KCNH1: variants seen among roughly 807,000 people sequenced by gnomAD.
KCNH1 encodes voltage-gated delayed rectifier potassium channel KCNH1.
A neutral mutation model predicts 69.2 loss-of-function variants in KCNH1; 27 were observed. The observed-to-expected ratio is 0.39, with a 90% CI of 0.29 to 0.54. KCNH1 has a LOEUF of 0.54. KCNH1 is among the 20% of genes least tolerant of loss of function. The pLI is 0.68. For missense variants in KCNH1, 798 were observed against 1,261.6 expected, an observed-to-expected ratio of 0.63 and a Z score of 5.57; for synonymous variants, 456 against 487.7, an observed-to-expected ratio of 0.93 and a Z score of 0.86.
intron 6 of KCNH1, among the ~76,000 whole-genome samples, chr1:210,995,480 T>G: frequency 6.6e-6 from 1 of 152,132 alleles, no homozygotes; most frequent in East Asian, 1.9e-4. Context: ...CTTCCTAAAC[T>G]TACAGTACAC....
chr1:211,119,325 A>C lies in KCNH1; in HGVS notation c.80-11948T>G, dbSNP rs375567002. On this transcript the variant is annotated intron_variant, in intron 1 of 10. Coordinates refer to ENST00000271751, the MANE Select transcript of KCNH1 (RefSeq NM_172362.3). ...CAGTGAGCCAAGATCGTGCCACCAC[A>C]CTCCAGCCTGGGTGACAGAGGGACA... 3.3e-5 allele frequency among the ~76,000 whole-genome samples: 5 copies of C among 152,208 alleles called. No homozygotes were observed. The East Asian group carries it at 9.7e-4, about 29-fold the overall frequency.
At chr1:210,806,061 A>T (rs967643954) in intron 7 of KCNH1, among the ~76,000 whole-genome samples, 3 of 151,978 alleles carry the variant, frequency 2.0e-5, no homozygotes, top group African/African-American at 7.2e-5. Context: ...ACATATTTTC[A>T]ATTCTTTTGT....
chr1:211,010,179 A>T (rs1501554), intron 6 of KCNH1, among the ~76,000 whole-genome samples: 105,775 of 151,840 alleles, frequency 0.7, 37,488 homozygotes, highest in African/African-American at 0.83. Flanking sequence ...CCAAGTGGAG[A>T]GGAGTTTGGC....
chr1:210,741,332 TC>T (rs1683025826), intron 10 of KCNH1, among the ~76,000 whole-genome samples: 1 of 152,154 alleles, frequency 6.6e-6, no homozygotes, highest in African/African-American at 2.4e-5. Flanking sequence ...TATAACATGC[TC>T]CATATAAATG....
intron 7 of KCNH1, among the ~76,000 whole-genome samples, chr1:210,880,102 T>C (rs1034042396): frequency 1.3e-5 from 2 of 152,050 alleles, no homozygotes; most frequent in Admixed American, 1.3e-4. Context: ...AGAAAATAAA[T>C]AGAGAGGCAG....
intron 3 of KCNH1, among the ~76,000 whole-genome samples, chr1:211,096,079 T>TTTATTTA (rs1553379264): frequency 0.016 from 2,170 of 135,834 alleles, 26 homozygotes; most frequent in Middle Eastern, 0.03. Flanking sequence ...TTATTTATTT[T>TTTATTTA]TTGAGATGGA....
At chr1:210,773,713 C>G (rs1015102682) in intron 10 of KCNH1, among the ~76,000 whole-genome samples, 3 of 152,174 alleles carry the variant, frequency 2.0e-5, no homozygotes, top group East Asian at 1.9e-4. Flanking sequence ...TTAGCTGTCC[C>G]CCTCCTTTAT....
intron 7 of KCNH1, among the ~76,000 whole-genome samples, chr1:210,915,989 C>G (rs1448182729): frequency 6.6e-6 from 1 of 152,126 alleles, no homozygotes; most frequent in Non-Finnish European, 1.5e-5. Context: ...CTTTTTACCC[C>G]TTAAGGAGTG....
chr1:210,684,605 G>C (rs1307874133), intron 10 of KCNH1, among the ~76,000 whole-genome samples: 3 of 152,118 alleles, frequency 2.0e-5, no homozygotes, highest in African/African-American at 7.2e-5. Flanking sequence ...GAGCATCTCT[G>C]GCCTAAAACC....
At chr1:210,915,505 C>T (rs1185053394) in intron 7 of KCNH1, among the ~76,000 whole-genome samples, 1 of 120,932 alleles carries the variant, frequency 8.3e-6, no homozygotes, top group Admixed American at 8.6e-5. Flanking sequence ...ACCTTATAGT[C>T]AGCCCCTGCC....
chr1:210,833,095 C>T (rs538939006), intron 7 of KCNH1, among the ~76,000 whole-genome samples: 1 of 151,860 alleles, frequency 6.6e-6, no homozygotes, highest in Admixed American at 6.6e-5. Flanking sequence ...TAAGAGAAGG[C>T]TATTTTCAAG....
chr1:210,871,621 T>G (rs1686249749), intron 7 of KCNH1, among the ~76,000 whole-genome samples: 1 of 152,064 alleles, frequency 6.6e-6, no homozygotes, highest in South Asian at 2.1e-4. Flanking sequence ...ATTGCGGCAT[T>G]ATTCACAATA....
chr1:210,898,683 G>GC (rs916784445), intron 7 of KCNH1, among the ~76,000 whole-genome samples: 27 of 151,508 alleles, frequency 1.8e-4, no homozygotes, highest in Middle Eastern at 3.4e-3. Context: ...CGTGGCGGCG[G>GC]GGGGGGGTCC....
At chr1:210,937,585 C>G (rs1048424183) in intron 6 of KCNH1, among the ~76,000 whole-genome samples, 2 of 152,128 alleles carry the variant, frequency 1.3e-5, no homozygotes, top group African/African-American at 4.8e-5. Context: ...TTCAATGTCA[C>G]CTGATGGTTT....
At chr1:211,048,409 A>G (rs1690131957) in intron 5 of KCNH1, among the ~76,000 whole-genome samples, 1 of 152,208 alleles carries the variant, frequency 6.6e-6, no homozygotes, top group African/African-American at 2.4e-5. Flanking sequence ...ATAATTCGCA[A>G]CTGCAAAAAT....
chr1:210,895,100 G>A (rs917327521), intron 7 of KCNH1, among the ~76,000 whole-genome samples: 3 of 151,258 alleles, frequency 2.0e-5, no homozygotes, highest in African/African-American at 4.9e-5. Context: ...GTTACTTGAT[G>A]TCCAGTATCT....
At chr1:210,855,373 T>A (rs951712226) in intron 7 of KCNH1, among the ~76,000 whole-genome samples, 1 of 152,160 alleles carries the variant, frequency 6.6e-6, no homozygotes, top group African/African-American at 2.4e-5. Context: ...CAAAATTGAT[T>A]TCCCCTGTTC....
chr1:210,915,391 C>A lies in KCNH1; in HGVS notation c.1462+4249G>T, dbSNP rs543983154. On this transcript the variant is annotated intron_variant, in intron 7 of 10. Transcript: ENST00000271751. ...TATGTGCCTGTTGAATGGGGGACAT[C>A]CTCTCCTAGATGTCACACAGAGGGC... 7.2e-5 allele frequency among the ~76,000 whole-genome samples: 11 copies of A among 152,296 alleles called. No homozygotes were observed. In the South Asian group the frequency reaches 2.3e-3, roughly 32 times the overall value.
intron 10 of KCNH1, among the ~76,000 whole-genome samples, chr1:210,686,118 C>G (rs946270134): frequency 1.3e-5 from 2 of 152,184 alleles, no homozygotes; most frequent in African/African-American, 4.8e-5. Flanking sequence ...TATAGTCTGC[C>G]TTGCAGATCC....
Sources: gnomAD v4.1 joint callset for allele counts (sites outside exome capture counted in the v4.1 genomes callset) on GRCh38, gnomAD v4.1.1 for gene constraint, MANE v1.5 for transcripts, NCBI Gene and HGNC (gene_info 2026-07-23, HGNC 2026-07-21) for gene names.